Variants in SLC6A3 observed in about 807,000 individuals in gnomAD.
The protein encoded by SLC6A3 is solute carrier family 6 member 3, also known as sodium-dependent dopamine transporter.
Under a neutral mutation model 70.4 loss-of-function variants are expected in SLC6A3, and 19 were observed. The ratio of observed to expected loss-of-function variants is 0.27; its 90% CI spans 0.19 to 0.40. The LOEUF (loss-of-function observed/expected upper bound fraction) is 0.40, where lower values mean the gene tolerates loss of function less well. Ranked by LOEUF, SLC6A3 falls within the 10% of genes least tolerant of loss-of-function variation. The probability of loss-of-function intolerance (pLI) is 1.00; values close to 1 mark genes in which losing one functional copy is unlikely to be tolerated. For missense variants in SLC6A3, 613 were observed against 838.5 expected (o/e 0.73, Z 3.32); for synonymous variants, 368 against 356.6 (o/e 1.03, Z -0.36).
intron 12 of SLC6A3, among the ~76,000 whole-genome samples, chr5:1,403,330 A>G (rs1188468711): frequency 4.1e-5 from 1 of 24,662 alleles, no homozygotes; most frequent in East Asian, 1.3e-3. Flanking sequence ...CTCCCATCCC[A>G]TCCTGTTCCA....
chr5:1,444,287 AC>A (rs1215207161), intron 1 of SLC6A3, among the ~76,000 whole-genome samples: 1 of 151,972 alleles, frequency 6.6e-6, no homozygotes, highest in African/African-American at 2.4e-5. Context: ...GAGCGTCTAC[AC>A]CGCCCCAGCC....
At chr5:1,420,946 T>C (rs1355642923) in intron 5 of SLC6A3, among the ~76,000 whole-genome samples, 1 of 152,166 alleles carries the variant, frequency 6.6e-6, no homozygotes, top group South Asian at 2.1e-4. Flanking sequence ...GAAAGCACAT[T>C]CCTTTTCTGC....
rs1022922852 is a variant in SLC6A3 at position 1,402,723 on chromosome 5, T to C, written c.1767+199A>G. Among the ~76,000 whole-genome samples the C allele has an allele frequency of 1.1e-4, 17 of 151,830 alleles. No individual in the cohort carries two copies. Among genetic ancestry groups the C allele is most frequent in the African/African-American group, 4.1e-4 (17 of 41,296 alleles). ...TTAAAGACACACACATGAATACACATATGGACGCACACCCATGGGCCCGGG... is the reference window on the plus strand; with the variant it reads ...TTAAAGACACACACATGAATACACACATGGACGCACACCCATGGGCCCGGG... On this transcript the variant is annotated intron_variant, in intron 13 of 14. Transcript: ENST00000270349. The surrounding 1 kb of genome is among the most constrained non-coding windows in gnomAD (Gnocchi z 8.5).
In SLC6A3 at chr5:1,401,138, C is replaced by T. The variant is rs1755840964; in HGVS notation, c.1768-152G>A. On this transcript the variant is annotated intron_variant, in intron 13 of 14. Transcript: ENST00000270349. The surrounding 1 kb of genome is among the most constrained non-coding windows in gnomAD (Gnocchi z 6.1). ...TGCCCACCCGCTGGCATCCATATCA[C>T]CAGCGCCCACCACTGACTTACACTG... 1 of 709,720 alleles carries T rather than the reference C, an allele frequency of 1.4e-6. No homozygotes were observed. Among genetic ancestry groups the T allele is most frequent in the East Asian group, 2.7e-5 (1 of 37,256 alleles). 44.0% of individuals were successfully genotyped at this position (709,720 alleles called of 1,614,324 possible). A position where few individuals can be genotyped will look rare whatever the true frequency, so the allele number is the denominator to read the frequency against.
chr5:1,433,786 T>TCCATCCACAA (rs1372028355), intron 3 of SLC6A3, among the ~76,000 whole-genome samples: 6 of 150,080 alleles, frequency 4.0e-5, no homozygotes, highest in Non-Finnish European at 1.5e-5. Context: ...CAACCATCCA[T>TCCATCCACAA]CCATCCACAA....
At chr5:1,407,036 C>A (rs28363113) in intron 11 of SLC6A3, among the ~76,000 whole-genome samples, 3 of 152,222 alleles carry the variant, frequency 2.0e-5, no homozygotes, top group African/African-American at 7.2e-5. Flanking sequence ...TTCAGAAAAG[C>A]TATTTCTAGA....
In SLC6A3 at chr5:1,439,912, C is replaced by T. The variant is rs558760609; in HGVS notation, c.418+1447G>A. ...GATGGGGACACCAGGGGGAACGACC[C>T]CGGCCCTCTGGTCCTCAGCATCTGC... On this transcript the variant is annotated intron_variant, in intron 3 of 14. Transcript: ENST00000270349. 1.1e-4 allele frequency among the ~76,000 whole-genome samples: 16 copies of T among 152,324 alleles called. No individual in the cohort carries two copies. The South Asian group carries it at 2.9e-3, about 28-fold the overall frequency.
chr5:1,416,388 C>A (rs934044933), intron 6 of SLC6A3, 187 bp from the exon 7 acceptor site: 2 of 642,538 alleles, frequency 3.1e-6, no homozygotes, highest in African/African-American at 1.8e-5. Flanking sequence ...CCCGGGCCAG[C>A]GGCCTGGAAG....
chr5:1,412,859 C>G (rs145280119), intron 8 of SLC6A3, among the ~76,000 whole-genome samples: 1 of 152,206 alleles, frequency 6.6e-6, no homozygotes, highest in Non-Finnish European at 1.5e-5. Context: ...GGGGTCAGAC[C>G]TGGGCTCTCG....
rs145952455 is a variant in SLC6A3 at position 1,433,518 on chromosome 5, C to T, written c.419-820G>A. ...ATCTCCATTCATCCACAACTATCCACGGTCAGCTATAGCCATCCTCAACCA... is the reference window on the plus strand; with the variant it reads ...ATCTCCATTCATCCACAACTATCCATGGTCAGCTATAGCCATCCTCAACCA... On this transcript the variant is annotated intron_variant, in intron 3 of 14. Coordinates refer to ENST00000270349, the MANE Select transcript of SLC6A3 (RefSeq NM_001044.5). Among the ~76,000 whole-genome samples the T allele has an allele frequency of 5.3e-5, 8 of 152,162 alleles. No homozygotes were observed. In the East Asian group the frequency reaches 9.7e-4, roughly 18 times the overall value.
rs1050870884 is a variant in SLC6A3 at position 1,427,843 on chromosome 5, T to G, written c.653+4621A>C. Among the ~76,000 whole-genome samples the G allele has an allele frequency of 1.8e-4, 27 of 152,154 alleles. 1 individual carries two copies. The highest frequency in any genetic ancestry group is 2.6e-4 in the Admixed American group (4 of 15,282). On this transcript the variant is annotated intron_variant, in intron 4 of 14. Transcript: ENST00000270349. ...CTTCATAGCAGAGTTTCAAAATATG[T>G]GAATGAAGCAAATACTGATAGAAGT... is the stretch of plus-strand genomic sequence containing the variant.
rs373299299 is a variant in SLC6A3 at position 1,439,928 on chromosome 5, C to T, written c.418+1431G>A. 3.9e-5 allele frequency among the ~76,000 whole-genome samples: 6 copies of T among 152,332 alleles called. No homozygotes were observed. The East Asian group carries it at 9.6e-4, about 24-fold the overall frequency. On this transcript the variant is annotated intron_variant, in intron 3 of 14. Coordinates refer to ENST00000270349, the MANE Select transcript of SLC6A3 (RefSeq NM_001044.5). ...GGAACGACCCCGGCCCTCTGGTCCT[C>T]AGCATCTGCATCTCCAACACAGAGA... is the stretch of plus-strand genomic sequence containing the variant.
In SLC6A3 at chr5:1,401,322, GCTGGGCT is replaced by G; in HGVS notation, c.1768-343_1768-337del. 1.9e-6 allele frequency: 1 copy of G among 540,424 alleles called. No homozygotes were observed. Among genetic ancestry groups the G allele is most frequent in the Non-Finnish European group, 3.6e-6 (1 of 281,654 alleles). The allele number at this position is 540,424 out of a possible 1,614,324, so 33.5% of individuals were successfully genotyped here. On this transcript the variant is annotated intron_variant, in intron 13 of 14. Coordinates refer to ENST00000270349, the MANE Select transcript of SLC6A3 (RefSeq NM_001044.5). The surrounding 1 kb of genome is among the most constrained non-coding windows in gnomAD (Gnocchi z 6.1). ...CTCTTGAGTCTAAGCTACCACGTGTGCTGGGCTCTGAGTAAGAAAGTGCCCACACCCA... is the reference window on the plus strand; with the variant it reads ...CTCTTGAGTCTAAGCTACCACGTGTGCTGAGTAAGAAAGTGCCCACACCCA...
chr5:1,440,935 TGATA>T (rs1368222198), intron 3 of SLC6A3, among the ~76,000 whole-genome samples: 1 of 152,080 alleles, frequency 6.6e-6, no homozygotes, highest in Non-Finnish European at 1.5e-5. Context: ...TAGATGATGA[TGATA>T]GATGGATGGA....
rs532922124 is a variant in SLC6A3, at chr5:1,418,657, C to A, written c.927+1912G>T. 6.0e-4 allele frequency among the ~76,000 whole-genome samples: 91 copies of A among 151,704 alleles called. 1 individual carries two copies. The South Asian group carries it at 0.018, about 30-fold the overall frequency. ...TCCATCCATCCATGCTATCCAGCTA[C>A]CTATCATTCATCCATCCACCCATCT... is the stretch of plus-strand genomic sequence containing the variant. On this transcript the variant is annotated intron_variant, in intron 6 of 14. Coordinates refer to ENST00000270349, the MANE Select transcript of SLC6A3 (RefSeq NM_001044.5).
chr5:1,436,979 C>T lies in SLC6A3; in HGVS notation c.419-4281G>A, dbSNP rs973899836. On this transcript the variant is annotated intron_variant, in intron 3 of 14. Coordinates refer to ENST00000270349, the MANE Select transcript of SLC6A3 (RefSeq NM_001044.5). The surrounding 1 kb of genome is among the most constrained non-coding windows in gnomAD (Gnocchi z 5.2). ...AAGAAAGACGGGAGAGGGCCGGGCA[C>T]GGTGGCTCACTCCTGTAATCCCAGC... 3.9e-5 allele frequency among the ~76,000 whole-genome samples: 6 copies of T among 152,198 alleles called. No homozygotes were observed. The highest frequency in any genetic ancestry group is 1.2e-4 in the African/African-American group (5 of 41,454).
chr5:1,417,793 T>C (rs1021244983), intron 6 of SLC6A3, among the ~76,000 whole-genome samples: 2 of 152,186 alleles, frequency 1.3e-5, no homozygotes, highest in Non-Finnish European at 2.9e-5. Flanking sequence ...GAGCCCATGG[T>C]ACAGGCCTGT....
intron 1 of SLC6A3, among the ~76,000 whole-genome samples, chr5:1,443,898 T>C (rs762818625): frequency 7.9e-5 from 12 of 152,080 alleles, no homozygotes; most frequent in Non-Finnish European, 1.6e-4. Context: ...GGTCTGACTA[T>C]TGTTGCCAAG....
At chr5:1,432,157 C>T (rs1185327882) in intron 4 of SLC6A3, among the ~76,000 whole-genome samples, 1 of 152,166 alleles carries the variant, frequency 6.6e-6, no homozygotes, top group Admixed American at 6.5e-5. Flanking sequence ...ACCTTCTGCA[C>T]AGGGTCTGCT....
Sources: gnomAD v4.1 joint callset for allele counts (sites outside exome capture counted in the v4.1 genomes callset) on GRCh38, gnomAD v4.1.1 for gene constraint, Gnocchi (gnomAD v3.1) non-coding constraint, MANE v1.5 for transcripts, NCBI Gene and HGNC (gene_info 2026-07-23, HGNC 2026-07-21) for gene names.